RORA: variants seen among roughly 807,000 people sequenced by gnomAD.
RORA encodes RAR related orphan receptor A, also known as nuclear receptor ROR-alpha.
A neutral mutation model predicts 69.5 loss-of-function variants in RORA; 7 were observed. That is an observed-to-expected ratio of 0.10 (90% CI 0.06 to 0.19). The LOEUF (loss-of-function observed/expected upper bound fraction) is 0.19. RORA is among the 10% of genes least tolerant of loss of function. The probability of loss-of-function intolerance (pLI) is 1.00; values close to 1 mark genes in which losing one functional copy is unlikely to be tolerated. For synonymous variants in RORA, 261 were observed against 240.8 expected (o/e 1.08, Z -0.78); for missense variants, 457 against 663.0 (o/e 0.69, Z 3.41).
intron 1 of RORA, among the ~76,000 whole-genome samples, chr15:60,899,830 G>A (rs1891335657): frequency 6.6e-6 from 1 of 152,210 alleles, no homozygotes; most frequent in East Asian, 1.9e-4. Flanking sequence ...TTATACAAAT[G>A]TCAGACCACA....
At chr15:60,516,015 ATATATTTATATAT>A (rs2065887454) in intron 3 of RORA, among the ~76,000 whole-genome samples, 1 of 17,396 alleles carries the variant, frequency 5.7e-5, no homozygotes, top group African/African-American at 1.8e-4. Flanking sequence ...ATATATTTAT[ATATATTTATATAT>A]TTATATATAT....
chr15:60,614,122 T>C (rs536226251), intron 2 of RORA, among the ~76,000 whole-genome samples: 1 of 152,256 alleles, frequency 6.6e-6, no homozygotes, highest in African/African-American at 2.4e-5. Context: ...TTTTGAACAT[T>C]TAAGTGAAAA....
chr15:61,108,100 A>G (rs1272186685), intron 1 of RORA, among the ~76,000 whole-genome samples: 2 of 152,122 alleles, frequency 1.3e-5, no homozygotes, highest in Admixed American at 1.3e-4. Context: ...CCCAATACAA[A>G]TGTCCATGGG....
chr15:60,612,901 G>A (rs2069131631), intron 2 of RORA, among the ~76,000 whole-genome samples: 1 of 151,802 alleles, frequency 6.6e-6, no homozygotes, highest in Admixed American at 6.6e-5. Context: ...ACTGATCATT[G>A]TGCAAAATGC....
rs115268242 is a variant in RORA, at chr15:60,788,684, G to C, written c.167-109998C>G. ...ACACAGTCATCAGCACCACGGGGCT[G>C]ATTGCTTAAAGAAGGCACCCTCCCT... On this transcript the variant is annotated intron_variant, in intron 1 of 10. Transcript: ENST00000335670. Among the ~76,000 whole-genome samples, 216 of 152,238 alleles carry C rather than the reference G, an allele frequency of 1.4e-3. 1 individual carries two copies. Among genetic ancestry groups the C allele is most frequent in the African/African-American group, 5.0e-3 (209 of 41,530 alleles).
chr15:60,925,684 C>T (rs1892196185), intron 1 of RORA, among the ~76,000 whole-genome samples: 1 of 152,208 alleles, frequency 6.6e-6, no homozygotes, highest in South Asian at 2.1e-4. Flanking sequence ...AGCACTTTGC[C>T]TTTCTGGGCT....
At chr15:60,993,666 A>G (rs1894449942) in intron 1 of RORA, among the ~76,000 whole-genome samples, 1 of 144,078 alleles carries the variant, frequency 6.9e-6, no homozygotes, top group African/African-American at 2.5e-5. Flanking sequence ...AAAAAAAAAA[A>G]GACCTGGGAT....
chr15:60,714,204 C>T (rs1178574007), intron 1 of RORA, among the ~76,000 whole-genome samples: 3 of 151,802 alleles, frequency 2.0e-5, no homozygotes, highest in Non-Finnish European at 4.4e-5. Flanking sequence ...CAGGTGCATG[C>T]CACCATGCCC....
intron 2 of RORA, among the ~76,000 whole-genome samples, chr15:60,648,524 A>T (rs566672007): frequency 6.6e-6 from 1 of 152,320 alleles, no homozygotes; most frequent in East Asian, 1.9e-4. Context: ...ACTACAGAAA[A>T]ATGCCACATG....
chr15:61,133,544 G>A (rs1028028519), intron 1 of RORA, among the ~76,000 whole-genome samples: 2 of 152,146 alleles, frequency 1.3e-5, no homozygotes, highest in African/African-American at 2.4e-5. Flanking sequence ...AATGAGGTCC[G>A]CTGACTCTAA....
intron 1 of RORA, among the ~76,000 whole-genome samples, chr15:60,866,148 C>T (rs2073484812): frequency 6.6e-6 from 1 of 152,064 alleles, no homozygotes; most frequent in Non-Finnish European, 1.5e-5. Flanking sequence ...AGATCCTATT[C>T]CTTCTATCTA....
intron 1 of RORA, among the ~76,000 whole-genome samples, chr15:61,033,923 T>C (rs1896318383): frequency 6.6e-6 from 1 of 152,118 alleles, no homozygotes; most frequent in Admixed American, 6.6e-5. Context: ...TCTTATTAAC[T>C]ATTATTTTAT....
At chr15:60,771,932 T>G (rs955784952) in intron 1 of RORA, among the ~76,000 whole-genome samples, 5 of 152,226 alleles carry the variant, frequency 3.3e-5, no homozygotes, top group African/African-American at 1.2e-4. Context: ...AATAAACTTC[T>G]CTAAGTATAT....
intron 1 of RORA, among the ~76,000 whole-genome samples, chr15:60,960,502 T>C (rs1352837828): frequency 1.3e-5 from 2 of 152,188 alleles, no homozygotes; most frequent in East Asian, 3.8e-4. Flanking sequence ...CCTACTGGAA[T>C]GGCTAATTAG....
intron 1 of RORA, among the ~76,000 whole-genome samples, chr15:61,165,714 G>C (rs1418249083): frequency 6.6e-6 from 1 of 152,136 alleles, no homozygotes; most frequent in African/African-American, 2.4e-5. Context: ...AAATGAAAGA[G>C]GGGCAAACAA....
intron 6 of RORA, among the ~76,000 whole-genome samples, chr15:60,505,051 GA>G (rs1416516995): frequency 1.3e-5 from 2 of 152,218 alleles, no homozygotes; most frequent in East Asian, 3.9e-4. Context: ...GCTAGGTTCA[GA>G]CTGGAGTTAT....
intron 1 of RORA, among the ~76,000 whole-genome samples, chr15:61,104,111 C>T (rs1048797369): frequency 7.9e-5 from 12 of 152,194 alleles, no homozygotes; most frequent in African/African-American, 2.4e-4. Context: ...TCTCCCCTTC[C>T]ACCCAACTCA....
intron 2 of RORA, among the ~76,000 whole-genome samples, chr15:60,563,681 T>C (rs945268364): frequency 1.3e-5 from 2 of 152,150 alleles, no homozygotes; most frequent in Non-Finnish European, 2.9e-5. Flanking sequence ...CTTATTGTTG[T>C]GCCCCAGAGA....
intron 2 of RORA, among the ~76,000 whole-genome samples, chr15:60,597,557 TATATATATATATATATACAC>T (rs1383679953): frequency 4.5e-4 from 12 of 26,894 alleles, no homozygotes; most frequent in Non-Finnish European, 5.1e-4. Context: ...ACAACATATA[TATATATATATATATATACAC>T]ATATATATAT....
Sources: gnomAD v4.1 joint callset for allele counts (sites outside exome capture counted in the v4.1 genomes callset) on GRCh38, gnomAD v4.1.1 for gene constraint, MANE v1.5 for transcripts, NCBI Gene and HGNC (gene_info 2026-07-23, HGNC 2026-07-21) for gene names.